The following ATF1 variants were observed in gnomAD, a reference collection of about 807,000 sequenced individuals.
ATF1 encodes the protein cyclic AMP-dependent transcription factor ATF-1.
Under a neutral mutation model 34.7 loss-of-function variants are expected in ATF1, and 16 were observed. That is an observed-to-expected ratio of 0.46 (90% CI 0.31 to 0.70). ATF1 has a LOEUF of 0.70. Ranked by LOEUF, ATF1 falls within the 30% of genes least tolerant of loss-of-function variation. The pLI is 0.05. For synonymous variants in ATF1, 105 were observed against 113.1 expected, an observed-to-expected ratio of 0.93 and a Z score of 0.46; for missense variants, 255 against 321.6, an observed-to-expected ratio of 0.79 and a Z score of 1.58.
At chr12:50,770,072 A>G (rs573759813) in intron 1 of ATF1, among the ~76,000 whole-genome samples, 79 of 152,348 alleles carry the variant, frequency 5.2e-4, no homozygotes, top group Admixed American at 1.4e-3. Context: ...GTTCATAGCA[A>G]TTGAGTAAAG....
At chr12:50,771,508 G>A (rs570959434) in intron 1 of ATF1, among the ~76,000 whole-genome samples, 2 of 152,186 alleles carry the variant, frequency 1.3e-5, no homozygotes, top group South Asian at 4.2e-4. Flanking sequence ...AGGCAGGCAG[G>A]AATATCATTG....
At chr12:50,811,160 C>T (rs983131129) in intron 4 of ATF1, among the ~76,000 whole-genome samples, 4 of 152,186 alleles carry the variant, frequency 2.6e-5, no homozygotes, top group African/African-American at 9.7e-5. Flanking sequence ...CCTTATGTGG[C>T]TACTCTGCTT....
intron 2 of ATF1, among the ~76,000 whole-genome samples, chr12:50,782,568 T>C (rs993264038): frequency 1.3e-5 from 2 of 150,154 alleles, no homozygotes; most frequent in African/African-American, 2.4e-5. Context: ...TTTTTTTTTT[T>C]TTTTTTAGTA....
At chr12:50,802,871 CAA>C (rs71443203) in intron 3 of ATF1, among the ~76,000 whole-genome samples, 3 of 46,912 alleles carry the variant, frequency 6.4e-5, no homozygotes, top group African/African-American at 2.0e-4. Flanking sequence ...GACTCCATCT[CAA>C]AAAAAAAAAA....
chr12:50,802,929 T>C (rs944574120), intron 3 of ATF1, among the ~76,000 whole-genome samples: 2 of 146,906 alleles, frequency 1.4e-5, no homozygotes, highest in African/African-American at 5.0e-5. Flanking sequence ...TCATGTTGAT[T>C]GATCAGAAGA....
Position 50,771,045 on chromosome 12 carries a change from G to A in ATF1, c.-7+6738G>A, listed in dbSNP as rs748942258. 1.2e-4 allele frequency among the ~76,000 whole-genome samples: 18 copies of A among 150,166 alleles called. 1 individual carries two copies. Among genetic ancestry groups the A allele is most frequent in the Admixed American group, 4.0e-4 (6 of 15,020 alleles). ...TTTTGAGACAGAGTCTTGTTCTGTC[G>A]CCCAGGCTGGACTGCAGTGACACCA... On this transcript the variant is annotated intron_variant, in intron 1 of 6. Coordinates refer to ENST00000262053, the MANE Select transcript of ATF1 (RefSeq NM_005171.5).
chr12:50,797,445 A>C (rs1941429657), intron 3 of ATF1, among the ~76,000 whole-genome samples: 1 of 152,224 alleles, frequency 6.6e-6, no homozygotes, highest in Non-Finnish European at 1.5e-5. Flanking sequence ...ACAGTATAAG[A>C]CAATGAACTA....
chr12:50,791,013 C>G (rs1377408914), intron 2 of ATF1, among the ~76,000 whole-genome samples: 3 of 152,034 alleles, frequency 2.0e-5, no homozygotes, highest in Admixed American at 2.0e-4. Flanking sequence ...TGAACTTTCT[C>G]AGGCAGGTGT....
intron 1 of ATF1, among the ~76,000 whole-genome samples, chr12:50,768,187 C>A (rs1164394513): frequency 6.6e-6 from 1 of 152,000 alleles, no homozygotes; most frequent in Non-Finnish European, 1.5e-5. Flanking sequence ...TTTGCACTTC[C>A]GTGGCAACAG....
At chr12:50,806,029 T>A (rs1003297669) in intron 3 of ATF1, among the ~76,000 whole-genome samples, 2 of 151,812 alleles carry the variant, frequency 1.3e-5, no homozygotes, top group African/African-American at 4.8e-5. Context: ...CGCACGCCTG[T>A]AATCCCAGCT....
intron 2 of ATF1, among the ~76,000 whole-genome samples, chr12:50,787,274 A>G (rs1941205182): frequency 1.3e-5 from 2 of 152,252 alleles, no homozygotes; most frequent in South Asian, 4.1e-4. Flanking sequence ...AACAATAAAC[A>G]GAACCAGACT....
chr12:50,792,135 C>T (rs1039502236), intron 2 of ATF1, among the ~76,000 whole-genome samples: 9 of 152,082 alleles, frequency 5.9e-5, no homozygotes, highest in South Asian at 2.1e-4. Context: ...TATTCAAAAC[C>T]CAGATGAAAT....
upstream of ATF1, chr12:50,763,568 T>C (rs935277861): frequency 3.1e-5 from 4 of 129,770 alleles, no homozygotes; most frequent in African/African-American, 1.2e-4. Flanking sequence ...TGAGTCGAGA[T>C]CGAACCACTG....
chr12:50,781,633 G>A lies in ATF1; in HGVS notation c.93+1395G>A, dbSNP rs185558800. On this transcript the variant is annotated intron_variant, in intron 2 of 6. Transcript: ENST00000262053. ...ACCCAGCTAATTTTTTGTATTTTTG[G>A]TAGAGACGGGGTTTCACCTGTTGGC... 4.3e-3 allele frequency among the ~76,000 whole-genome samples: 651 copies of A among 151,870 alleles called. 3 individuals carry two copies. Among genetic ancestry groups the A allele is most frequent in the Non-Finnish European group, 7.1e-3 (480 of 67,942 alleles).
At chr12:50,797,750 C>T (rs1565911965) in intron 3 of ATF1, among the ~76,000 whole-genome samples, 2 of 152,146 alleles carry the variant, frequency 1.3e-5, no homozygotes, top group African/African-American at 4.8e-5. Context: ...CTATTACAGG[C>T]ATGAGCCACT....
At chr12:50,816,915 T>G (rs1941855146) in intron 6 of ATF1, among the ~76,000 whole-genome samples, 1 of 152,124 alleles carries the variant, frequency 6.6e-6, no homozygotes, top group Admixed American at 6.5e-5. Flanking sequence ...TATAAAAGAC[T>G]ACTCAGCCTT....
rs71086475 is a variant in ATF1 at position 50,772,318 on chromosome 12, C to CT, written c.-6-7804dup. Among the ~76,000 whole-genome samples the CT allele has an allele frequency of 1.9e-3, 217 of 116,032 alleles. 2 individuals carry two copies. Among genetic ancestry groups the CT allele is most frequent in the African/African-American group, 4.9e-3 (163 of 33,334 alleles). The allele number at this position is 116,032 out of a possible 152,430, so 76.1% of individuals were successfully genotyped here. ...TTGTTGTGCCTGAATTGCTCCATTCCTTTTTTTTTTTTTTTTTTCTTTTTT... is the reference window on the plus strand; with the variant it reads ...TTGTTGTGCCTGAATTGCTCCATTCCTTTTTTTTTTTTTTTTTTTCTTTTTT... On this transcript the variant is annotated intron_variant, in intron 1 of 6. Transcript: ENST00000262053.
intron 1 of ATF1, among the ~76,000 whole-genome samples, chr12:50,779,242 T>A (rs1424379958): frequency 6.6e-6 from 1 of 152,216 alleles, no homozygotes; most frequent in African/African-American, 2.4e-5. Flanking sequence ...ACAAATATTC[T>A]TCTCCTTGAG....
intron 3 of ATF1, among the ~76,000 whole-genome samples, chr12:50,805,375 G>A (rs996377819): frequency 4.6e-5 from 7 of 151,554 alleles, no homozygotes; most frequent in Non-Finnish European, 7.4e-5. Context: ...GGGCAACATA[G>A]GGATACCTTG....
Sources: allele counts gnomAD v4.1 joint callset (sites outside exome capture counted in the v4.1 genomes callset), GRCh38; gene constraint gnomAD v4.1.1; transcripts MANE v1.5; gene names NCBI Gene and HGNC (gene_info 2026-07-23, HGNC 2026-07-21).